The following CDC73 variants were observed in gnomAD, a reference collection of about 807,000 sequenced individuals.
The protein encoded by CDC73 is cell division cycle 73.
A neutral mutation model predicts 83.7 loss-of-function variants in CDC73; 21 were observed. The ratio of observed to expected loss-of-function variants is 0.25; its 90% confidence interval spans 0.18 to 0.36. CDC73 has a LOEUF of 0.36. Ranked by LOEUF, CDC73 falls within the 10% of genes least tolerant of loss-of-function variation. CDC73 has a pLI of 1.00. For missense variants in CDC73, 342 were observed against 653.3 expected, an observed-to-expected ratio of 0.52 and a Z score of 5.19; for synonymous variants, 224 against 212.9, an observed-to-expected ratio of 1.05 and a Z score of -0.45.
chr1:193,196,020 T>A (rs982339046), intron 10 of CDC73, among the ~76,000 whole-genome samples: 3 of 152,300 alleles, frequency 2.0e-5, no homozygotes, highest in African/African-American at 7.2e-5. Context: ...GTTTGTTTCT[T>A]TTTCCGTTGT....
chr1:193,249,635 A>T, intron 15 of CDC73, 95 bp from the exon 16 acceptor site: 2 of 892,340 alleles, frequency 2.2e-6, no homozygotes, highest in Non-Finnish European at 3.6e-6. Context: ...AGATCACTTT[A>T]GTTATAATAC....
intron 7 of CDC73, among the ~76,000 whole-genome samples, chr1:193,145,069 G>A (rs1263195509): frequency 1.3e-5 from 2 of 152,088 alleles, no homozygotes; most frequent in Non-Finnish European, 2.9e-5. Context: ...ATAATTTGTT[G>A]ATACTGTATA....
chr1:193,191,519 C>T (rs768376883), intron 10 of CDC73, among the ~76,000 whole-genome samples: 4 of 152,118 alleles, frequency 2.6e-5, no homozygotes, highest in Admixed American at 6.6e-5. Flanking sequence ...ACCCGAGTAG[C>T]TGGGATTACA....
intron 13 of CDC73, among the ~76,000 whole-genome samples, chr1:193,225,962 G>A (rs763570326): frequency 6.6e-6 from 1 of 152,080 alleles, no homozygotes; most frequent in Non-Finnish European, 1.5e-5. Flanking sequence ...TTGGTTCGTG[G>A]TCATGAAATC....
Position 193,234,173 on chromosome 1 carries a change from TCTCACACACACACACA to T in CDC73, c.1316+1021_1316+1036del, listed in dbSNP as rs1356689340. The stretch of plus-strand genomic sequence containing the variant: ...AATTCTCTCTCTCTCTCTCTCTCTC[TCTCACACACACACACA>T]CACACACACACACACACACACACAC... On this transcript the variant is annotated intron_variant, in intron 14 of 16. Coordinates refer to ENST00000367435, the MANE Select transcript of CDC73 (RefSeq NM_024529.5). Among the ~76,000 whole-genome samples, 55 of 68,316 alleles carry T rather than the reference TCTCACACACACACACA, an allele frequency of 8.1e-4. No homozygotes were observed. The South Asian group carries it at 0.013, about 16-fold the overall frequency. The allele number at this position is 68,316 out of a possible 152,430, so 44.8% of individuals were successfully genotyped here.
chr1:193,159,641 C>T (rs1676272380), intron 10 of CDC73, among the ~76,000 whole-genome samples: 1 of 152,150 alleles, frequency 6.6e-6, no homozygotes, highest in Admixed American at 6.5e-5. Context: ...GGATTACAGG[C>T]GTGAGCCACC....
At chr1:193,180,419 A>T in intron 10 of CDC73, 1 of 1,613,972 alleles carries the variant, frequency 6.2e-7, no homozygotes, top group Non-Finnish European at 8.5e-7. Context: ...AACTGATGAG[A>T]GGTAATTAGG....
chr1:193,239,330 G>T (rs1677818478), intron 15 of CDC73, among the ~76,000 whole-genome samples: 1 of 151,978 alleles, frequency 6.6e-6, no homozygotes, highest in African/African-American at 2.4e-5. Flanking sequence ...GCTTCCAGTT[G>T]TTTTCTCCAT....
intron 10 of CDC73, among the ~76,000 whole-genome samples, chr1:193,156,010 A>G (rs970618072): frequency 2.6e-5 from 4 of 152,198 alleles, no homozygotes; most frequent in Non-Finnish European, 1.5e-5. Flanking sequence ...AGTAGAAACC[A>G]TTCAGTGGGG....
chr1:193,240,598 A>G (rs1677840379), intron 15 of CDC73, among the ~76,000 whole-genome samples: 1 of 152,114 alleles, frequency 6.6e-6, no homozygotes, highest in African/African-American at 2.4e-5. Context: ...CACTTCCCTG[A>G]TGGTTAGTGA....
chr1:193,224,891 TAAA>T (rs916050074), intron 13 of CDC73, among the ~76,000 whole-genome samples: 1 of 151,720 alleles, frequency 6.6e-6, no homozygotes, highest in African/African-American at 2.4e-5. Flanking sequence ...CTTTTGTCTT[TAAA>T]AAAAAATTTA....
intron 10 of CDC73, among the ~76,000 whole-genome samples, chr1:193,190,329 G>C (rs1676897703): frequency 6.6e-6 from 1 of 152,152 alleles, no homozygotes; most frequent in Non-Finnish European, 1.5e-5. Flanking sequence ...ATCAGATGCA[G>C]TCTTTTTCAT....
In CDC73 at chr1:193,234,312, AAT is replaced by A. The variant is rs200011626; in HGVS notation, c.1316+1169_1316+1170del. Among the ~76,000 whole-genome samples, 667 of 140,342 alleles carry A rather than the reference AAT, an allele frequency of 4.8e-3. 7 individuals are homozygous for A. Among genetic ancestry groups the A allele is most frequent in the African/African-American group, 0.016 (605 of 38,132 alleles). The allele number at this position is 140,342 out of a possible 152,430, so 92.1% of individuals were successfully genotyped here. ...ATATTATATATATAATATAATTTAA[AAT>A]ATATATATATTTAAAACACACACAT... On this transcript the variant is annotated intron_variant, in intron 14 of 16. Transcript: ENST00000367435.
At chr1:193,224,366 A>G (rs1195817437) in intron 13 of CDC73, among the ~76,000 whole-genome samples, 1 of 151,906 alleles carries the variant, frequency 6.6e-6, no homozygotes, top group Non-Finnish European at 1.5e-5. Context: ...TGAAATATGC[A>G]TTCACATATA....
intron 2 of CDC73, among the ~76,000 whole-genome samples, chr1:193,126,927 AG>A: frequency 6.6e-6 from 1 of 152,214 alleles, no homozygotes; most frequent in Non-Finnish European, 1.5e-5. Flanking sequence ...GAAATAGTTA[AG>A]GTTTCTGGCT....
intron 10 of CDC73, among the ~76,000 whole-genome samples, chr1:193,172,237 C>CTTTT (rs36004862): frequency 1.5e-5 from 2 of 134,362 alleles, no homozygotes; most frequent in Non-Finnish European, 1.6e-5. Context: ...TTTTTGGTAC[C>CTTTT]TTTTTTTTTT....
intron 5 of CDC73, among the ~76,000 whole-genome samples, chr1:193,136,071 C>T (rs149279452): frequency 3.3e-5 from 5 of 151,974 alleles, no homozygotes; most frequent in East Asian, 1.9e-4. Flanking sequence ...CAGGGTTTTC[C>T]GTGTTGGCCA....
At chr1:193,150,807 A>G (rs146319294) in intron 9 of CDC73, among the ~76,000 whole-genome samples, 2 of 152,304 alleles carry the variant, frequency 1.3e-5, no homozygotes, top group African/African-American at 4.8e-5. Context: ...AAATGTTATT[A>G]TAGTGCCTGT....
At chr1:193,164,395 A>G (rs1336434457) in intron 10 of CDC73, among the ~76,000 whole-genome samples, 1 of 152,228 alleles carries the variant, frequency 6.6e-6, no homozygotes, top group Non-Finnish European at 1.5e-5. Flanking sequence ...AAGTAATGTT[A>G]GTATACCATG....
Sources: gnomAD v4.1 joint callset for allele counts (sites outside exome capture counted in the v4.1 genomes callset) on GRCh38, gnomAD v4.1.1 for gene constraint, MANE v1.5 for transcripts, NCBI Gene and HGNC (gene_info 2026-07-23, HGNC 2026-07-21) for gene names.